The following RBM24 variants were observed in gnomAD, a reference collection of about 807,000 sequenced individuals.
RBM24 encodes RNA binding motif protein 24.
RBM24 carries 5 observed loss-of-function variants against 23.6 expected under a neutral mutation model. That is an observed-to-expected ratio of 0.21 (90% confidence interval 0.11 to 0.45). RBM24 has a LOEUF of 0.45. Among genes scored for constraint, RBM24 ranks in the 20% least tolerant of loss-of-function variants. The pLI is 0.99. For missense variants in RBM24, 252 were observed against 314.6 expected (o/e 0.80, Z 1.51); for synonymous variants, 151 against 129.5 (o/e 1.17, Z -1.13).
rs1561737972 is a variant in RBM24 at position 17,291,759 on chromosome 6, A to G, written c.351A>G (p.Ile117Met). 1 of 1,605,250 alleles carries G rather than the reference A, an allele frequency of 6.2e-7. No homozygotes were observed. The highest frequency in any genetic ancestry group is 8.5e-7 in the Non-Finnish European group (1 of 1,173,884). The stretch of plus-strand genomic sequence containing the variant: ...TTTGTTTTCCATTTCTCAACAGGAT[A>G]CCTGCCCACTATGTCTATCCGCAGG... Reference protein sequence around the residue: ...HPALIQRPFGIPAHYVYPQAF... With the variant: ...HPALIQRPFGMPAHYVYPQAF... Residue 117 changes from isoleucine to methionine, a missense_variant, in exon 4 of 4, where the codon ATA becomes ATG. Coordinates refer to ENST00000379052, the MANE Select transcript of RBM24 (RefSeq NM_001143942.2).
chr6:17,282,779 T>G (rs753994709), intron 1 of RBM24, 26 bp from the exon 2 acceptor site: 2 of 1,613,808 alleles, frequency 1.2e-6, no homozygotes, highest in Non-Finnish European at 1.7e-6. Flanking sequence ...GTTATGTATG[T>G]ATGTCTGTGT....
chr6:17,282,957 C>T (rs755689634), intron 2 of RBM24, 29 bp downstream of exon 2: 12 of 1,532,346 alleles, frequency 7.8e-6, no homozygotes, highest in Admixed American at 3.4e-5. Flanking sequence ...CCCTACCCCC[C>T]TCTCCAAGAA....
chr6:17,289,756 C>CCTTGT (rs921507663), intron 3 of RBM24: 1 of 1,059,866 alleles, frequency 9.4e-7, no homozygotes, highest in Non-Finnish European at 1.1e-6. Context: ...CGCTGGAAAC[C>CCTTGT]CTTGTCGCAT....
At chr6:17,288,073 G>C (rs772021023) in intron 3 of RBM24, 15 of 162,600 alleles carry the variant, frequency 9.2e-5, no homozygotes, top group Admixed American at 1.3e-4. Context: ...TGAAGGCATT[G>C]TTAATATCTT....
At chr6:17,283,607 G>A (rs1760101765) in intron 2 of RBM24, among the ~76,000 whole-genome samples, 1 of 152,066 alleles carries the variant, frequency 6.6e-6, no homozygotes, top group South Asian at 2.1e-4. Flanking sequence ...AGTAGAGACG[G>A]GGTTTCACTG....
rs767902824 is a variant in RBM24 at position 17,291,841 on chromosome 6, T to G, written c.433T>G (p.Ser145Ala). 6.2e-6 allele frequency: 10 copies of G among 1,614,058 alleles called. No individual in the cohort carries two copies. Among genetic ancestry groups the G allele is most frequent in the Non-Finnish European group, 8.5e-6 (10 of 1,180,000 alleles). The change falls in exon 4 of 4, where the codon TCC becomes GCC. Residue 145 changes from serine to alanine, a missense_variant. By Grantham distance (99) the Ser-to-Ala change is moderately conservative (BLOSUM62 1). Transcript: ENST00000379052. ...CGTCCAGCCGACAGCAGCTGCCGCC[T>G]CCACCACCCCTTACATTGATTACAC... ...PHVQPTAAAA[S>A]TTPYIDYTGA...
intron 3 of RBM24, among the ~76,000 whole-genome samples, chr6:17,286,720 T>C (rs1760209382): frequency 6.6e-6 from 1 of 152,214 alleles, no homozygotes; most frequent in Non-Finnish European, 1.5e-5. Context: ...CCACTGGGTA[T>C]GTCTTAGGCA....
At chr6:17,282,986 G>T (rs915698991) in intron 2 of RBM24, 58 bp downstream of exon 2, 2 of 1,224,090 alleles carry the variant, frequency 1.6e-6, no homozygotes, top group African/African-American at 3.0e-5. Flanking sequence ...TTATGGGTGG[G>T]ATGATTCTCT....
chr6:17,284,668 G>A lies in RBM24; in HGVS notation c.304G>A (p.Gly102Ser). ...PRIMQPGFAF[G>S]VQQLHPALIQ... ...TATTTTGTTGTTAGGTTTTGCCTTT[G>A]GTGTTCAACAACTTCATCCAGCCCT... The change falls in exon 3 of 4, where the codon GGT becomes AGT. Residue 102 changes from glycine (G) to serine (S), a missense_variant. Coordinates refer to ENST00000379052, the MANE Select transcript of RBM24 (RefSeq NM_001143942.2). 1 of 1,611,474 alleles carries A rather than the reference G, an allele frequency of 6.2e-7. No homozygotes were observed. The highest frequency in any genetic ancestry group is 8.5e-7 in the Non-Finnish European group (1 of 1,178,794).
rs1760082918 is a variant in RBM24 at position 17,283,177 on chromosome 6, C to T, written c.292+249C>T. On this transcript the variant is annotated intron_variant, in intron 2 of 3. Transcript: ENST00000379052. Reference sequence around the variant, plus strand: ...GCAGGAAGAAGAGTTAGTCATGTCTCACCTGTTTCCTATATGGCATACATT... The same window carrying T: ...GCAGGAAGAAGAGTTAGTCATGTCTTACCTGTTTCCTATATGGCATACATT... 1.7e-5 allele frequency: 8 copies of T among 467,206 alleles called. No individual in the cohort carries two copies. In the Admixed American group the frequency reaches 2.7e-4, roughly 15 times the overall value. 28.9% of individuals were successfully genotyped at this position (467,206 alleles called of 1,614,324 possible).
At chr6:17,287,120 T>C (rs1169057615) in intron 3 of RBM24, among the ~76,000 whole-genome samples, 1 of 152,238 alleles carries the variant, frequency 6.6e-6, no homozygotes, top group African/African-American at 2.4e-5. Flanking sequence ...GTGAGCTTTC[T>C]CTTTCTTTTT....
chr6:17,292,232 C>A lies in RBM24; in HGVS notation c.*113C>A. Reference sequence around the variant, plus strand: ...TTAACAGCTTTAAAAAAAAAAACAGCCATGCTATTGTGAAGCAGAGTTATT... The same window carrying A: ...TTAACAGCTTTAAAAAAAAAAACAGACATGCTATTGTGAAGCAGAGTTATT... On this transcript the variant is annotated 3_prime_UTR_variant, in exon 4 of 4. Transcript: ENST00000379052. The A allele has an allele frequency of 1.0e-6, 1 of 993,852 alleles. No homozygotes were observed. The highest frequency in any genetic ancestry group is 1.4e-6 in the Non-Finnish European group (1 of 704,946). 61.6% of individuals were successfully genotyped at this position (993,852 alleles called of 1,614,324 possible).
At position 17,281,842 on chromosome 6, in the gene RBM24, G is replaced by A; in HGVS notation, c.168+93G>A. ...TGGAGTGAGGGGCTCGGCGTGACCC[G>A]TGAGGAGCCCCGCGGGTAGAGCGGC... On this transcript the variant is annotated intron_variant, in intron 1 of 3. Transcript: ENST00000379052. This position sits in a 1 kb window ranked among gnomAD's most constrained non-coding sequence, Gnocchi z 7.1. The A allele has an allele frequency of 1.4e-6, 2 of 1,468,146 alleles. No homozygotes were observed. The highest frequency in any genetic ancestry group is 1.8e-6 in the Non-Finnish European group (2 of 1,082,876). The allele number at this position is 1,468,146 out of a possible 1,614,324, so 90.9% of individuals were successfully genotyped here.
chr6:17,290,933 A>G (rs1170876478), intron 3 of RBM24: 22 of 1,191,116 alleles, frequency 1.8e-5, no homozygotes, highest in Admixed American at 4.6e-5. Context: ...TTTATGGGGG[A>G]AAAAAAAGAG....
At chr6:17,289,105 T>C (rs1760279848) in intron 3 of RBM24, 1 of 985,362 alleles carries the variant, frequency 1.0e-6, no homozygotes, top group Non-Finnish European at 1.2e-6. Context: ...TCTTTGCACT[T>C]GTGCTTTTTG....
At chr6:17,282,776 A>G in intron 1 of RBM24, 29 bp from the exon 2 acceptor site, 1 of 1,613,624 alleles carries the variant, frequency 6.2e-7, no homozygotes, top group Non-Finnish European at 8.5e-7. Flanking sequence ...GAGGTTATGT[A>G]TGTATGTCTG....
At chr6:17,286,541 G>A (rs148466590) in intron 3 of RBM24, among the ~76,000 whole-genome samples, 245 of 152,258 alleles carry the variant, frequency 1.6e-3, no homozygotes, top group African/African-American at 5.7e-3. Context: ...TTGCACATTA[G>A]TTTGGGAAGC....
intron 2 of RBM24, chr6:17,283,145 G>T: frequency 2.0e-6 from 1 of 512,314 alleles, no homozygotes. Context: ...TGGATCTTGG[G>T]GGTCGTGCAG....
intron 3 of RBM24, among the ~76,000 whole-genome samples, chr6:17,285,520 A>G (rs946656243): frequency 6.6e-6 from 1 of 152,066 alleles, no homozygotes; most frequent in Admixed American, 6.6e-5. Context: ...GTCAGAATAC[A>G]GATTCATTGC....
Sources: allele counts gnomAD v4.1 joint callset (sites outside exome capture counted in the v4.1 genomes callset), GRCh38; gene constraint gnomAD v4.1.1; non-coding constraint Gnocchi (gnomAD v3.1); transcripts MANE v1.5; gene names NCBI Gene and HGNC (gene_info 2026-07-23, HGNC 2026-07-21).